MEIS2: variants seen among roughly 807,000 people sequenced by gnomAD.
The protein encoded by MEIS2 is Meis homeobox 2, also known as homeobox protein Meis2.
In MEIS2, 9 loss-of-function variants were observed where a neutral mutation model predicts 58.6. The observed-to-expected ratio is 0.15, with a 90% CI of 0.09 to 0.27. The LOEUF (loss-of-function observed/expected upper bound fraction) is 0.27, where lower values mean the gene tolerates loss of function less well. Ranked by LOEUF, MEIS2 falls within the 10% of genes least tolerant of loss-of-function variation. The probability of loss-of-function intolerance (pLI) is 1.00; values close to 1 mark genes in which losing one functional copy is unlikely to be tolerated. For synonymous variants in MEIS2, 221 were observed against 228.4 expected (o/e 0.97, Z 0.29); for missense variants, 427 against 635.0 (o/e 0.67, Z 3.52).
chr15:37,009,181 C>T (rs1309501070), intron 8 of MEIS2, among the ~76,000 whole-genome samples: 1 of 151,966 alleles, frequency 6.6e-6, no homozygotes, highest in Non-Finnish European at 1.5e-5. Context: ...CCCAGCTACT[C>T]GGGAGGCTGA....
At chr15:37,016,102 C>T (rs764291537) in intron 8 of MEIS2, among the ~76,000 whole-genome samples, 152 of 152,188 alleles carry the variant, frequency 1.0e-3, no homozygotes, top group Non-Finnish European at 1.7e-3. Context: ...TGAAACGTTA[C>T]TGATGGGAGG....
At chr15:36,944,919 A>C (rs1041028830) in intron 9 of MEIS2, among the ~76,000 whole-genome samples, 3 of 151,822 alleles carry the variant, frequency 2.0e-5, no homozygotes, top group Non-Finnish European at 2.9e-5. Context: ...CTGTCTCTGT[A>C]CCTCATTTAG....
chr15:37,066,503 C>A (rs1282637947), intron 7 of MEIS2: 2 of 152,292 alleles, frequency 1.3e-5, no homozygotes, highest in Non-Finnish European at 1.5e-5. Context: ...GGCCAAGCCA[C>A]TTCATCTGGA....
chr15:36,967,853 T>C (rs1361751856), intron 8 of MEIS2, among the ~76,000 whole-genome samples: 6 of 152,176 alleles, frequency 3.9e-5, no homozygotes, highest in Admixed American at 6.5e-5. Flanking sequence ...TCCCCATGAA[T>C]TGGGCATGAC....
intron 7 of MEIS2, among the ~76,000 whole-genome samples, chr15:37,060,670 C>T (rs1889088086): frequency 6.6e-6 from 1 of 151,814 alleles, no homozygotes; most frequent in African/African-American, 2.4e-5. Flanking sequence ...TGGGTGGGAC[C>T]CAGCTAAACA....
At chr15:37,038,810 C>T (rs917636822) in intron 7 of MEIS2, among the ~76,000 whole-genome samples, 9 of 152,180 alleles carry the variant, frequency 5.9e-5, no homozygotes, top group African/African-American at 9.7e-5. Context: ...ACCGGAGTGT[C>T]GCCTGGACAA....
At chr15:36,956,706 T>C (rs2058990089) in intron 8 of MEIS2, among the ~76,000 whole-genome samples, 1 of 152,098 alleles carries the variant, frequency 6.6e-6, no homozygotes, top group South Asian at 2.1e-4. Context: ...AGCCAACAGA[T>C]ACAGAAAATA....
Position 37,099,710 on chromosome 15 carries a change from C to T in MEIS2, c.-244G>A, listed in dbSNP as rs1894869243. On this transcript the variant is annotated 5_prime_UTR_variant, in exon 1 of 12. Coordinates refer to ENST00000561208, the MANE Select transcript of MEIS2 (RefSeq NM_170675.5). ...TCTTCTTCCTCCTCCTCCTGATCTT[C>T]CTCCTCCTCCTCCACCTCCTCCTCC... 7.1e-6 allele frequency: 3 copies of T among 424,064 alleles called. No homozygotes were observed. Among genetic ancestry groups the T allele is most frequent in the Admixed American group, 4.1e-5 (1 of 24,336 alleles). The allele number at this position is 424,064 out of a possible 1,614,324, so 26.3% of individuals were successfully genotyped here. A position where few individuals can be genotyped will look rare whatever the true frequency, so the allele number is the denominator to read the frequency against.
intron 7 of MEIS2, among the ~76,000 whole-genome samples, chr15:37,063,003 C>A (rs945692475): frequency 2.0e-5 from 3 of 152,134 alleles, no homozygotes; most frequent in Non-Finnish European, 2.9e-5. Context: ...AAGCCTGTCA[C>A]CAAATCAATA....
At chr15:36,989,979 C>T (rs1199616912) in intron 8 of MEIS2, among the ~76,000 whole-genome samples, 1 of 152,170 alleles carries the variant, frequency 6.6e-6, no homozygotes, top group African/African-American at 2.4e-5. Context: ...GAGTCTCACT[C>T]TGTCGCCCAG....
chr15:37,066,096 A>G (rs575258493), intron 7 of MEIS2, among the ~76,000 whole-genome samples: 2 of 152,310 alleles, frequency 1.3e-5, no homozygotes, highest in Admixed American at 1.3e-4. Context: ...TTAATTTCTA[A>G]TGGCTCTCTT....
intron 7 of MEIS2, among the ~76,000 whole-genome samples, chr15:37,070,292 C>T (rs1890527707): frequency 1.3e-5 from 2 of 152,104 alleles, no homozygotes; most frequent in African/African-American, 4.8e-5. Context: ...TGATCCTGAG[C>T]CCATGCTGAC....
intron 8 of MEIS2, among the ~76,000 whole-genome samples, chr15:36,987,849 C>T (rs925148054): frequency 6.6e-6 from 1 of 151,734 alleles, no homozygotes. Context: ...TCAAAGAAGA[C>T]GTAACACTCA....
intron 7 of MEIS2, among the ~76,000 whole-genome samples, chr15:37,047,180 C>T (rs960868957): frequency 2.6e-5 from 4 of 152,052 alleles, no homozygotes; most frequent in African/African-American, 9.7e-5. Context: ...TCTCAAATGC[C>T]CTTTTCCACA....
intron 10 of MEIS2, 83 bp downstream of exon 10, chr15:36,896,545 A>T: frequency 9.4e-7 from 1 of 1,068,798 alleles, no homozygotes; most frequent in Middle Eastern, 2.2e-4. Flanking sequence ...GCACTTATTT[A>T]TCAGATGAGG....
intron 8 of MEIS2, among the ~76,000 whole-genome samples, chr15:36,981,409 T>C (rs1301167807): frequency 6.6e-6 from 1 of 152,194 alleles, no homozygotes; most frequent in Non-Finnish European, 1.5e-5. Flanking sequence ...CTTCCAATTT[T>C]ATTTTTTATT....
At chr15:36,943,326 T>C (rs536168939) in intron 9 of MEIS2, among the ~76,000 whole-genome samples, 16 of 152,266 alleles carry the variant, frequency 1.1e-4, no homozygotes, top group Admixed American at 9.8e-4. Flanking sequence ...ATCCAAATAC[T>C]GGTATAATGA....
chr15:37,079,067 A>G (rs955369900), intron 7 of MEIS2, among the ~76,000 whole-genome samples: 4 of 152,290 alleles, frequency 2.6e-5, no homozygotes, highest in Middle Eastern at 3.4e-3. Flanking sequence ...AGAAAAATCA[A>G]CAGAAAATCT....
In MEIS2 at chr15:36,890,356, A is replaced by C. The variant is rs1032714301; in HGVS notation, c.*1817T>G. The C allele has an allele frequency of 1.3e-5, 2 of 152,218 alleles. No individual in the cohort carries two copies. Among genetic ancestry groups the C allele is most frequent in the Non-Finnish European group, 2.9e-5 (2 of 68,022 alleles). The allele number at this position is 152,218 out of a possible 1,614,324, so 9.4% of individuals were successfully genotyped here. A position where few individuals can be genotyped will look rare whatever the true frequency, so the allele number is the denominator to read the frequency against. ...CCAGGAATGTTGCATAAAATTTTGA[A>C]AATGGCATTATACCGTCCATTTTGT... On this transcript the variant is annotated 3_prime_UTR_variant, in exon 12 of 12. Transcript: ENST00000561208.
Sources: allele counts gnomAD v4.1 joint callset (sites outside exome capture counted in the v4.1 genomes callset), GRCh38; gene constraint gnomAD v4.1.1; transcripts MANE v1.5; gene names NCBI Gene and HGNC (gene_info 2026-07-23, HGNC 2026-07-21).